FGF3: variants seen among roughly 807,000 people sequenced by gnomAD.
FGF3 encodes the protein FGF-3.
In FGF3, 7 loss-of-function variants were observed where a neutral mutation model predicts 9.8. That is an observed-to-expected ratio of 0.72 (90% CI 0.41 to 1.35). The LOEUF (loss-of-function observed/expected upper bound fraction) is 1.35. Among genes scored for constraint, FGF3 ranks in the 40% most tolerant of loss-of-function variants. The probability of loss-of-function intolerance (pLI) is 0.01; values close to 1 mark genes in which losing one functional copy is unlikely to be tolerated. For synonymous variants in FGF3, 173 were observed against 157.2 expected (o/e 1.10, Z -0.75); for missense variants, 390 against 345.6 (o/e 1.13, Z -1.02).
chr11:69,814,782 G>C (rs1856099543), intron 2 of FGF3, among the ~76,000 whole-genome samples: 1 of 152,216 alleles, frequency 6.6e-6, no homozygotes, highest in African/African-American at 2.4e-5. Flanking sequence ...AAGCATCCCT[G>C]GTGGGGCTAG....
chr11:69,817,420 G>A (rs567947060), intron 1 of FGF3: 4 of 152,396 alleles, frequency 2.6e-5, no homozygotes, highest in African/African-American at 7.2e-5. Context: ...AGCGAAGCAC[G>A]AGTCTCGACG....
At chr11:69,814,368 G>A (rs1856094024) in intron 2 of FGF3, among the ~76,000 whole-genome samples, 1 of 152,048 alleles carries the variant, frequency 6.6e-6, no homozygotes, top group Non-Finnish European at 1.5e-5. Flanking sequence ...CACTCTGGGT[G>A]AGAGTGAGTG....
chr11:69,818,012 C>A (rs1554981287), intron 1 of FGF3, among the ~76,000 whole-genome samples: 1 of 152,208 alleles, frequency 6.6e-6, no homozygotes, highest in African/African-American at 2.4e-5. Context: ...GTGATCCGCA[C>A]GTCCCGACGG....
intron 1 of FGF3, 142 bp from the exon 2 acceptor site, chr11:69,816,565 A>G: frequency 1.5e-6 from 1 of 672,278 alleles, no homozygotes; most frequent in East Asian, 2.7e-5. Context: ...AGTGAGTGGA[A>G]GTTCAGGAAG....
chr11:69,812,677 G>C (rs999915828), intron 2 of FGF3, among the ~76,000 whole-genome samples: 2 of 152,122 alleles, frequency 1.3e-5, no homozygotes, highest in South Asian at 4.1e-4. Context: ...CCACACACTG[G>C]GTACACCATG....
At chr11:69,816,941 C>T (rs1053240851) in intron 1 of FGF3, among the ~76,000 whole-genome samples, 3 of 152,224 alleles carry the variant, frequency 2.0e-5, no homozygotes, top group African/African-American at 7.2e-5. Flanking sequence ...GGCAATAACA[C>T]AGCCAGGGTG....
intron 1 of FGF3, among the ~76,000 whole-genome samples, chr11:69,817,072 C>T (rs1339187031): frequency 1.3e-5 from 2 of 152,194 alleles, no homozygotes; most frequent in Non-Finnish European, 2.9e-5. Flanking sequence ...CTGGACGGGT[C>T]TCACCCACTC....
At chr11:69,811,208 G>A (rs1187046264) in intron 2 of FGF3, among the ~76,000 whole-genome samples, 1 of 152,160 alleles carries the variant, frequency 6.6e-6, no homozygotes, top group East Asian at 1.9e-4. Flanking sequence ...AGCAGTTTGG[G>A]AGGCCGAGGC....
rs781923153 is a variant in FGF3, at chr11:69,818,858, G to T, written c.76C>A (p.Arg26=). 31 of 1,465,904 alleles carry T rather than the reference G, an allele frequency of 2.1e-5. No homozygotes were observed. In the African/African-American group the frequency reaches 4.0e-4, roughly 19 times the overall value. 90.8% of individuals were successfully genotyped at this position (1,465,904 alleles called of 1,614,324 possible). A position where few individuals can be genotyped will look rare whatever the true frequency, so the allele number is the denominator to read the frequency against. The change falls in exon 1 of 3, where the codon CGG becomes AGG. Residue 26 remains arginine, a synonymous_variant. Coordinates refer to ENST00000334134, the MANE Select transcript of FGF3 (RefSeq NM_005247.4). ...WPAAGPGARL[R]RDAGGRGGVY... ...CCGCCACGGCCGCCCGCATCGCGCC[G>T]CAACCGCGCCCCAGGGCCCGCTGCG...
rs1554981372 is a variant in FGF3 at position 69,818,694 on chromosome 11, C to A, written c.220+20G>T. The A allele has an allele frequency of 2.1e-6, 3 of 1,459,796 alleles. No homozygotes were observed. Among genetic ancestry groups the A allele is most frequent in the Admixed American group, 2.4e-5 (1 of 41,258 alleles). The allele number at this position is 1,459,796 out of a possible 1,614,324, so 90.4% of individuals were successfully genotyped here. A position where few individuals can be genotyped will look rare whatever the true frequency, so the allele number is the denominator to read the frequency against. On this transcript the variant is annotated intron_variant, in intron 1 of 2. Coordinates refer to ENST00000334134, the MANE Select transcript of FGF3 (RefSeq NM_005247.4). ...TCCCGGCGCCGCTTCCCCCGGGGCC[C>A]CGCAGCGTCCGGCACTCACTGTAGG...
At chr11:69,810,865 C>T (rs1856019657) in intron 2 of FGF3, among the ~76,000 whole-genome samples, 165 bp from the exon 3 acceptor site, 1 of 152,250 alleles carries the variant, frequency 6.6e-6, no homozygotes, top group African/African-American at 2.4e-5. Context: ...CTGCCCTCTG[C>T]CCAGCATGTC....
intron 2 of FGF3, 30 bp downstream of exon 2, chr11:69,816,290 G>A (rs1856131364): frequency 3.3e-6 from 5 of 1,533,692 alleles, no homozygotes; most frequent in Non-Finnish European, 4.5e-6. Context: ...TACTCCGTCA[G>A]CGCCCACCCA....
intron 2 of FGF3, among the ~76,000 whole-genome samples, chr11:69,814,482 G>A (rs1856096146): frequency 6.6e-6 from 1 of 152,038 alleles, no homozygotes; most frequent in African/African-American, 2.4e-5. Flanking sequence ...TACCTCAGAA[G>A]GGAGGTCAGG....
intron 2 of FGF3, among the ~76,000 whole-genome samples, chr11:69,813,592 GTGGGTGGATGGATGGATGGA>G (rs1856062605): frequency 2.6e-5 from 2 of 77,344 alleles, no homozygotes; most frequent in African/African-American, 4.9e-5. Context: ...GGATAGATGG[GTGGGTGGATGGATGGATGGA>G]TGGGTGGATG....
At chr11:69,816,481 C>A (rs1856136036) in intron 1 of FGF3, 58 bp from the exon 2 acceptor site, 7 of 1,355,360 alleles carry the variant, frequency 5.2e-6, no homozygotes, top group Non-Finnish European at 7.4e-6. Context: ...GCGGCTGAGG[C>A]CCAGCTGGCC....
chr11:69,811,981 G>A (rs961310822), intron 2 of FGF3, among the ~76,000 whole-genome samples: 11 of 152,316 alleles, frequency 7.2e-5, no homozygotes, highest in South Asian at 2.1e-4. Flanking sequence ...AGTCTGTGGC[G>A]TAGGGAAGAG....
Position 69,818,995 on chromosome 11 carries a change from G to A in FGF3, c.-62C>T. 5.1e-6 allele frequency: 6 copies of A among 1,176,956 alleles called. 1 individual carries two copies. In the South Asian group the frequency reaches 8.1e-5, roughly 16 times the overall value. 72.9% of individuals were successfully genotyped at this position (1,176,956 alleles called of 1,614,324 possible). On this transcript the variant is annotated 5_prime_UTR_variant, in exon 1 of 3. Coordinates refer to ENST00000334134, the MANE Select transcript of FGF3 (RefSeq NM_005247.4). ...CAGGCGAGCGCGGCGCCCATGGAAG[G>A]GGCGGCAGCCGGACAGCTGCGAGGT... is the stretch of plus-strand genomic sequence containing the variant.
At position 69,819,139 on chromosome 11, in the gene FGF3, G is replaced by C. The variant is rs1554981495; in HGVS notation, c.-206C>G. The C allele has an allele frequency of 2.4e-6, 1 of 418,622 alleles. No individual in the cohort carries two copies. The highest frequency in any genetic ancestry group is 4.2e-6 in the Non-Finnish European group (1 of 237,870). 25.9% of individuals were successfully genotyped at this position (418,622 alleles called of 1,614,324 possible). On this transcript the variant is annotated 5_prime_UTR_variant, in exon 1 of 3. Coordinates refer to ENST00000334134, the MANE Select transcript of FGF3 (RefSeq NM_005247.4). ...AGAGGGAGAGTGGGAGAGGGAGAGG[G>C]AGAGAGGGAACGCGAGTCCCTTTAA...
At position 69,810,260 on chromosome 11, in the gene FGF3, C is replaced by T. The variant is rs758169085; in HGVS notation, c.*45G>A. On this transcript the variant is annotated 3_prime_UTR_variant, in exon 3 of 3. Coordinates refer to ENST00000334134, the MANE Select transcript of FGF3 (RefSeq NM_005247.4). Reference sequence around the variant, plus strand: ...GAGAGTCAGAGTCAAGAGGCTGCCACGCCAAGATGTCGCCAGGAGCTCTGG... The same window carrying T: ...GAGAGTCAGAGTCAAGAGGCTGCCATGCCAAGATGTCGCCAGGAGCTCTGG... 1.4e-5 allele frequency: 21 copies of T among 1,504,972 alleles called. No individual in the cohort carries two copies. The highest frequency in any genetic ancestry group is 2.5e-5 in the South Asian group (2 of 79,354). 93.2% of individuals were successfully genotyped at this position (1,504,972 alleles called of 1,614,324 possible).
Sources: gnomAD v4.1 joint callset for allele counts (sites outside exome capture counted in the v4.1 genomes callset) on GRCh38, gnomAD v4.1.1 for gene constraint, MANE v1.5 for transcripts, NCBI Gene and HGNC (gene_info 2026-07-23, HGNC 2026-07-21) for gene names.